The following FRA10AC1 variants were observed in gnomAD, a reference collection of about 807,000 sequenced individuals.
The protein encoded by FRA10AC1 is protein FRA10AC1.
In FRA10AC1, 43 loss-of-function variants were observed where a neutral mutation model predicts 56.5. That is an observed-to-expected ratio of 0.76 (90% CI 0.60 to 0.98). The LOEUF is 0.98. Among genes scored for constraint, FRA10AC1 ranks in the 50% least tolerant of loss-of-function variants. FRA10AC1 has a pLI of 0.00. For synonymous variants in FRA10AC1, 112 were observed against 110.5 expected, an observed-to-expected ratio of 1.01 and a Z score of -0.09; for missense variants, 346 against 351.8, an observed-to-expected ratio of 0.98 and a Z score of 0.13.
At chr10:93,685,409 T>G (rs776622358) in intron 8 of FRA10AC1, 50 bp from the exon 9 acceptor site, 1 of 839,302 alleles carries the variant, frequency 1.2e-6, no homozygotes, top group Admixed American at 2.1e-5. Flanking sequence ...ATAATATTTA[T>G]CTATATGATC....
intron 4 of FRA10AC1, among the ~76,000 whole-genome samples, chr10:93,696,436 T>C (rs1329353919): frequency 1.3e-5 from 2 of 152,120 alleles, no homozygotes; most frequent in Non-Finnish European, 2.9e-5. Flanking sequence ...ATCGCAATTA[T>C]TAAAAAGTCA....
chr10:93,678,599 G>A (rs1484133388), intron 11 of FRA10AC1, among the ~76,000 whole-genome samples: 1 of 152,106 alleles, frequency 6.6e-6, no homozygotes, highest in Non-Finnish European at 1.5e-5. Context: ...GGGGGGCCAA[G>A]GTGAGAGAAT....
At chr10:93,686,861 T>C (rs1033647229) in intron 8 of FRA10AC1, among the ~76,000 whole-genome samples, 2 of 151,802 alleles carry the variant, frequency 1.3e-5, no homozygotes, top group African/African-American at 4.8e-5. Flanking sequence ...AATGAATAGA[T>C]TTACAATAAT....
chr10:93,687,019 A>G (rs2059039975), intron 8 of FRA10AC1, among the ~76,000 whole-genome samples: 1 of 151,878 alleles, frequency 6.6e-6, no homozygotes, highest in South Asian at 2.1e-4. Context: ...TTTAACTTCT[A>G]CTTTTGAAAT....
chr10:93,700,419 C>T (rs1451048822), intron 1 of FRA10AC1, among the ~76,000 whole-genome samples: 1 of 152,214 alleles, frequency 6.6e-6, no homozygotes, highest in Non-Finnish European at 1.5e-5. Flanking sequence ...GTTTAGCAAT[C>T]CTTCACTTTT....
At chr10:93,693,608 C>T (rs1189844266) in intron 5 of FRA10AC1, among the ~76,000 whole-genome samples, 1 of 140,314 alleles carries the variant, frequency 7.1e-6, no homozygotes, top group African/African-American at 2.6e-5. Context: ...CATATATATA[C>T]ACACCATATA....
rs544149412 is a variant in FRA10AC1, at chr10:93,692,727, T to A, written c.299A>T (p.Glu100Val). The A allele has an allele frequency of 6.3e-7, 1 of 1,576,644 alleles. No individual in the cohort carries two copies. Among genetic ancestry groups the A allele is most frequent in the East Asian group, 2.3e-5 (1 of 42,778 alleles). Residue 100 changes from glutamate (E) to valine (V), a missense_variant and splice_region_variant, in exon 6 of 14, where the codon GAA (glutamate) becomes GTA (valine). Coordinates refer to ENST00000359204, the MANE Select transcript of FRA10AC1 (RefSeq NM_145246.5). ...GKKEDFKRLG[E>V]NDKTDLDVIR... Reference sequence around the variant, plus strand: ...AACATCCAAGTCTGTCTTGTCATTTTCCCTGGAAAACAGAACTTTTTCAAT... The same window carrying A: ...AACATCCAAGTCTGTCTTGTCATTTACCCTGGAAAACAGAACTTTTTCAAT...
chr10:93,696,053 T>C (rs183220617), intron 4 of FRA10AC1, among the ~76,000 whole-genome samples: 2 of 152,350 alleles, frequency 1.3e-5, no homozygotes, highest in East Asian at 3.9e-4. Context: ...TCCGGGAAGA[T>C]GGAGTAGGCA....
At chr10:93,670,969 A>G (rs1301895364) in intron 12 of FRA10AC1, 121 bp from the exon 13 acceptor site, 3 of 632,352 alleles carry the variant, frequency 4.7e-6, no homozygotes, top group South Asian at 3.9e-5. Flanking sequence ...CTCTCTAGAA[A>G]TTTAATTCAC....
intron 5 of FRA10AC1, among the ~76,000 whole-genome samples, chr10:93,693,692 C>CAT (rs1230305454): frequency 6.2e-5 from 5 of 80,602 alleles, no homozygotes; most frequent in Admixed American, 1.4e-4. Context: ...ATATATATAC[C>CAT]ATATATATAT....
At chr10:93,685,666 A>G (rs1204213618) in intron 8 of FRA10AC1, among the ~76,000 whole-genome samples, 1 of 151,770 alleles carries the variant, frequency 6.6e-6, no homozygotes, top group Non-Finnish European at 1.5e-5. Flanking sequence ...TATTTCTCAG[A>G]AAGTTGGTTT....
At position 93,676,645 on chromosome 10, in the gene FRA10AC1, T is replaced by G. The variant is rs1209313400; in HGVS notation, c.826+8A>C. On this transcript the variant is annotated splice_region_variant and intron_variant, in intron 12 of 13. Coordinates refer to ENST00000359204, the MANE Select transcript of FRA10AC1 (RefSeq NM_145246.5). Reference sequence around the variant, plus strand: ...CATATTTTTATTAAATAAACACTTGTTACTTACTAAGTAGAGAATCTTCAG... The same window carrying G: ...CATATTTTTATTAAATAAACACTTGGTACTTACTAAGTAGAGAATCTTCAG... 1.3e-6 allele frequency: 2 copies of G among 1,556,390 alleles called. No individual in the cohort carries two copies. The highest frequency in any genetic ancestry group is 2.8e-5 in the African/African-American group (2 of 72,000).
chr10:93,683,646 T>G (rs2058973730), intron 10 of FRA10AC1, among the ~76,000 whole-genome samples: 1 of 152,212 alleles, frequency 6.6e-6, no homozygotes, highest in Non-Finnish European at 1.5e-5. Flanking sequence ...CCACCGCGCC[T>G]GTTCTTGATT....
At chr10:93,675,339 T>A (rs1418110253) in intron 12 of FRA10AC1, 1 of 152,166 alleles carries the variant, frequency 6.6e-6, no homozygotes, top group Middle Eastern at 3.2e-3. Context: ...ATCATCAAAC[T>A]TTTTTCCCTG....
At chr10:93,683,920 C>T (rs1056653091) in intron 10 of FRA10AC1, 136 bp downstream of exon 10, 6 of 650,822 alleles carry the variant, frequency 9.2e-6, no homozygotes, top group South Asian at 4.0e-5. Flanking sequence ...TGTAGCCATA[C>T]GACAATGCCA....
intron 12 of FRA10AC1, chr10:93,673,089 A>C (rs1161486267): frequency 1.6e-5 from 4 of 246,248 alleles, no homozygotes; most frequent in Non-Finnish European, 2.4e-5. Flanking sequence ...CAACACCTCC[A>C]ATAAGTGCCA....
chr10:93,694,227 C>T (rs1193503630), intron 5 of FRA10AC1, among the ~76,000 whole-genome samples: 1 of 152,122 alleles, frequency 6.6e-6, no homozygotes, highest in Admixed American at 6.5e-5. Flanking sequence ...CAATCCCAAA[C>T]ATCAAGGTAT....
At position 93,702,519 on chromosome 10, in the gene FRA10AC1, A is replaced by ACCG. The variant is rs1320310422; in HGVS notation, c.-146_-145insCGG. ...CCTGCCGCACAGCCTCGCCACAACC[A>ACCG]CCACCGCCGCCGCCGCCGCCGCCGC... On this transcript the variant is annotated 5_prime_UTR_variant, in exon 1 of 14. Coordinates refer to ENST00000359204, the MANE Select transcript of FRA10AC1 (RefSeq NM_145246.5). 13 of 159,644 alleles carry ACCG rather than the reference A, an allele frequency of 8.1e-5. No individual in the cohort carries two copies. Among genetic ancestry groups the ACCG allele is most frequent in the Non-Finnish European group, 1.4e-4 (12 of 83,784 alleles). 9.9% of individuals were successfully genotyped at this position (159,644 alleles called of 1,614,324 possible). A position where few individuals can be genotyped will look rare whatever the true frequency, so the allele number is the denominator to read the frequency against.
chr10:93,691,998 G>C lies in FRA10AC1; in HGVS notation c.465+11C>G. ...TAAGAACCTCTTTCCATAAATATGT[G>C]GAAAGCATACCTTATTTTCTTTATA... On this transcript the variant is annotated intron_variant, in intron 7 of 13. Transcript: ENST00000359204. The C allele has an allele frequency of 6.4e-7, 1 of 1,566,080 alleles. No homozygotes were observed. Among genetic ancestry groups the C allele is most frequent in the Non-Finnish European group, 8.6e-7 (1 of 1,157,248 alleles).
Sources: allele counts gnomAD v4.1 joint callset (sites outside exome capture counted in the v4.1 genomes callset), GRCh38; gene constraint gnomAD v4.1.1; transcripts MANE v1.5; gene names NCBI Gene and HGNC (gene_info 2026-07-23, HGNC 2026-07-21).